Variants in HOMER2 observed in about 807,000 individuals in gnomAD.
The protein encoded by HOMER2 is homer scaffold protein 2.
HOMER2 carries 27 observed loss-of-function variants against 47.0 expected under a neutral mutation model. That is an observed-to-expected ratio of 0.57 (90% CI 0.42 to 0.79). The LOEUF (loss-of-function observed/expected upper bound fraction) is 0.79, where lower values mean the gene tolerates loss of function less well. Ranked by LOEUF, HOMER2 falls within the 30% of genes least tolerant of loss-of-function variation. The pLI is 0.00. For synonymous variants in HOMER2, 161 were observed against 163.8 expected (o/e 0.98, Z 0.13); for missense variants, 443 against 435.0 (o/e 1.02, Z -0.16).
In HOMER2 at chr15:82,854,759, A is replaced by G; in HGVS notation, c.536T>C (p.Leu179Pro). ...GGTCAGCCGTGCATTGCTCTCCCGAAGGGTCTGCAGCTCGATCTCCCACTT... is the reference window on the plus strand; with the variant it reads ...GGTCAGCCGTGCATTGCTCTCCCGAGGGGTCTGCAGCTCGATCTCCCACTT... ...VKKWEIELQT[L>P]RESNARLTTA... Residue 179 changes from leucine (L) to proline (P), a missense_variant, in exon 6 of 9, where the codon CTT (leucine) becomes CCT (proline). By Grantham distance (98) the Leu-to-Pro change is moderately conservative. Transcript: ENST00000450735. 6.2e-7 allele frequency: 1 copy of G among 1,611,746 alleles called. No homozygotes were observed. Among genetic ancestry groups the G allele is most frequent in the Non-Finnish European group, 8.5e-7 (1 of 1,179,770 alleles).
chr15:82,851,695 C>T (rs2051401772), intron 7 of HOMER2, among the ~76,000 whole-genome samples: 1 of 152,150 alleles, frequency 6.6e-6, no homozygotes, highest in Non-Finnish European at 1.5e-5. Flanking sequence ...ACACAGGAGG[C>T]TGAGGTGGGC....
At chr15:82,958,771 G>A (rs569749675) in exon 2 of HOMER2, 8 of 152,594 alleles carry the variant, frequency 5.2e-5, no homozygotes, top group African/African-American at 1.2e-4. Flanking sequence ...TGCTGGGAAC[G>A]GGTGGGGAGT....
downstream of HOMER2, among the ~76,000 whole-genome samples, chr15:82,848,094 C>T (rs899430508): frequency 2.0e-5 from 3 of 152,218 alleles, no homozygotes; most frequent in African/African-American, 7.2e-5. Flanking sequence ...GATGCCCAGC[C>T]TTCCCTTCCA....
At chr15:82,943,037 C>A (rs201045070) in intron 1 of HOMER2, among the ~76,000 whole-genome samples, 1 of 152,134 alleles carries the variant, frequency 6.6e-6, no homozygotes, top group African/African-American at 2.4e-5. Flanking sequence ...CATGTCATCC[C>A]CAACCACCTA....
chr15:82,952,372 C>A (rs1382612797), intron 1 of HOMER2, among the ~76,000 whole-genome samples, 159 bp downstream of exon 1: 4 of 152,108 alleles, frequency 2.6e-5, no homozygotes, highest in Admixed American at 6.5e-5. Flanking sequence ...GGGCGCGGGT[C>A]AGGTGGCCCC....
At chr15:82,854,935 A>G (rs2151609715) in intron 5 of HOMER2, 135 bp from the exon 6 acceptor site, 1 of 1,033,768 alleles carries the variant, frequency 9.7e-7, no homozygotes, top group East Asian at 2.5e-5. Flanking sequence ...GTAAGCTGGC[A>G]GGTGGGTCTG....
At chr15:82,861,995 C>T (rs1021879141) in intron 4 of HOMER2, among the ~76,000 whole-genome samples, 16 of 151,948 alleles carry the variant, frequency 1.1e-4, no homozygotes, top group African/African-American at 1.5e-4. Flanking sequence ...GCTGAGATCG[C>T]GCCACTGCAC....
intron 2 of HOMER2, 58 bp downstream of exon 2, chr15:82,892,627 G>A (rs1237294202): frequency 7.4e-7 from 1 of 1,346,730 alleles, no homozygotes; most frequent in Non-Finnish European, 9.9e-7. Flanking sequence ...GATTTTGGGT[G>A]CATCTTGGAT....
chr15:82,967,973 A>G (rs1377150304), intron 1 of HOMER2, among the ~76,000 whole-genome samples: 1 of 152,246 alleles, frequency 6.6e-6, no homozygotes, highest in East Asian at 1.9e-4. Flanking sequence ...TAAATATAAT[A>G]GGTATTTTAT....
At chr15:82,927,219 T>C (rs1219834912) in intron 1 of HOMER2, among the ~76,000 whole-genome samples, 4 of 152,164 alleles carry the variant, frequency 2.6e-5, no homozygotes, top group Non-Finnish European at 5.9e-5. Flanking sequence ...CTTACCACCT[T>C]CTAACATGCC....
At chr15:82,871,086 G>A (rs1473872472) in intron 3 of HOMER2, among the ~76,000 whole-genome samples, 2 of 152,126 alleles carry the variant, frequency 1.3e-5, no homozygotes, top group Non-Finnish European at 2.9e-5. Flanking sequence ...AGTAGGCTGG[G>A]GTTTTATGTC....
At chr15:82,851,686 C>T (rs561128860) in intron 7 of HOMER2, among the ~76,000 whole-genome samples, 1 of 152,324 alleles carries the variant, frequency 6.6e-6, no homozygotes, top group South Asian at 2.1e-4. Context: ...GTCCCAGCTA[C>T]ACAGGAGGCT....
chr15:82,962,016 G>A (rs1157043939), intron 1 of HOMER2, among the ~76,000 whole-genome samples: 1 of 151,810 alleles, frequency 6.6e-6, no homozygotes, highest in African/African-American at 2.4e-5. Context: ...CACCCACCTC[G>A]GCCTCCCAAA....
intron 1 of HOMER2, among the ~76,000 whole-genome samples, chr15:82,972,682 TA>T (rs943615172): frequency 5.4e-5 from 8 of 147,340 alleles, no homozygotes; most frequent in South Asian, 2.2e-4. Flanking sequence ...AACTCTGCCT[TA>T]AAAAAAAAAG....
intron 1 of HOMER2, among the ~76,000 whole-genome samples, chr15:82,976,465 T>G (rs1194874839): frequency 6.6e-6 from 1 of 151,982 alleles, no homozygotes; most frequent in Non-Finnish European, 1.5e-5. Flanking sequence ...ACCCAGCTAA[T>G]TTTTGTATTT....
At chr15:82,859,308 T>TTG in intron 4 of HOMER2, 173 bp from the exon 5 acceptor site, 1 of 879,816 alleles carries the variant, frequency 1.1e-6, no homozygotes, top group Non-Finnish European at 1.7e-6. Context: ...GTTTTTGTTT[T>TTG]TTTTTTAAAC....
chr15:82,861,310 T>C (rs2051781817), intron 4 of HOMER2, among the ~76,000 whole-genome samples: 1 of 152,236 alleles, frequency 6.6e-6, no homozygotes, highest in Non-Finnish European at 1.5e-5. Context: ...GAAATGCAGA[T>C]GTCACAAATT....
chr15:82,880,253 C>A (rs924936534), intron 2 of HOMER2, among the ~76,000 whole-genome samples: 1 of 152,174 alleles, frequency 6.6e-6, no homozygotes, highest in Admixed American at 6.5e-5. Flanking sequence ...AGAGACTGTA[C>A]AACCTGAATA....
intron 2 of HOMER2, among the ~76,000 whole-genome samples, chr15:82,891,982 A>ATT (rs540273697): frequency 2.8e-5 from 4 of 143,512 alleles, no homozygotes; most frequent in African/African-American, 1.0e-4. Flanking sequence ...CAGCAGGTCT[A>ATT]TTTTTTTTTT....
Sources: gnomAD v4.1 joint callset for allele counts (sites outside exome capture counted in the v4.1 genomes callset) on GRCh38, gnomAD v4.1.1 for gene constraint, MANE v1.5 for transcripts, NCBI Gene and HGNC (gene_info 2026-07-23, HGNC 2026-07-21) for gene names.